The following B4GALT6 variants were observed in gnomAD, a reference collection of about 807,000 sequenced individuals.
B4GALT6 encodes the protein UDP-Gal:beta-GlcNAc beta-1,4-galactosyltransferase 6.
A neutral mutation model predicts 46.3 loss-of-function variants in B4GALT6; 14 were observed. The ratio of observed to expected loss-of-function variants is 0.30; its 90% CI spans 0.20 to 0.47. The LOEUF (loss-of-function observed/expected upper bound fraction) is 0.47, where lower values mean the gene tolerates loss of function less well. Among genes scored for constraint, B4GALT6 ranks in the 20% least tolerant of loss-of-function variants. B4GALT6 has a pLI of 0.99. For synonymous variants in B4GALT6, 168 were observed against 162.0 expected (o/e 1.04, Z -0.28); for missense variants, 386 against 480.1 (o/e 0.80, Z 1.83).
At chr18:31,670,462 A>G (rs2074338264) in intron 1 of B4GALT6, among the ~76,000 whole-genome samples, 2 of 152,196 alleles carry the variant, frequency 1.3e-5, no homozygotes, top group Non-Finnish European at 2.9e-5. Context: ...CAACACACCA[A>G]TTTCTCCAAA....
At chr18:31,703,090 A>T in the B4GALT6 span, among the ~76,000 whole-genome samples, 12 of 151,892 alleles carry the variant, frequency 7.9e-5, 1 homozygote, top group African/African-American at 1.7e-4. Flanking sequence ...TTCTTTTGAT[A>T]AAAAAAATAG....
At chr18:31,660,259 A>AAT (rs962339870) in intron 2 of B4GALT6, among the ~76,000 whole-genome samples, 3 of 151,960 alleles carry the variant, frequency 2.0e-5, no homozygotes, top group Non-Finnish European at 4.4e-5. Flanking sequence ...TGATTCTTTA[A>AAT]ATATATATAT....
the B4GALT6 span, among the ~76,000 whole-genome samples, chr18:31,713,230 T>C: frequency 2.0e-5 from 3 of 152,138 alleles, no homozygotes; most frequent in African/African-American, 7.2e-5. Context: ...CACATGCCTT[T>C]AGTCCCAGCT....
At chr18:31,654,853 A>C (rs180737923) in intron 3 of B4GALT6, among the ~76,000 whole-genome samples, 307 of 152,308 alleles carry the variant, frequency 2.0e-3, no homozygotes, top group Non-Finnish European at 3.6e-3. Flanking sequence ...ATTTTATTGC[A>C]TTGTTCTCTA....
intron 3 of B4GALT6, among the ~76,000 whole-genome samples, chr18:31,652,814 T>C (rs1459834505): frequency 6.6e-6 from 1 of 152,194 alleles, no homozygotes; most frequent in African/African-American, 2.4e-5. Context: ...GCCTTGGCAC[T>C]TGCCCTTGTT....
chr18:31,623,261 T>C lies in B4GALT6; in HGVS notation c.*2353A>G, dbSNP rs2073640879. 1 of 152,166 alleles carries C rather than the reference T, an allele frequency of 6.6e-6. No homozygotes were observed. Among genetic ancestry groups the C allele is most frequent in the African/African-American group, 2.4e-5 (1 of 41,440 alleles). 9.4% of individuals were successfully genotyped at this position (152,166 alleles called of 1,614,324 possible). A position where few individuals can be genotyped will look rare whatever the true frequency, so the allele number is the denominator to read the frequency against. ...CAGCTCTGTCACTCTCACAGAAACA[T>C]ATTAAGTTCACTGTTTATAGGCAAA... On this transcript the variant is annotated 3_prime_UTR_variant, in exon 9 of 9. Coordinates refer to ENST00000306851, the MANE Select transcript of B4GALT6 (RefSeq NM_004775.5).
chr18:31,655,451 T>C (rs2074126421), intron 3 of B4GALT6, among the ~76,000 whole-genome samples: 1 of 152,096 alleles, frequency 6.6e-6, no homozygotes. Flanking sequence ...GAAGGGGCAG[T>C]AGTGCTGAGA....
the B4GALT6 span, among the ~76,000 whole-genome samples, chr18:31,721,878 CTCTG>C: frequency 5.7e-4 from 87 of 151,944 alleles, no homozygotes; most frequent in East Asian, 4.6e-3. Context: ...CTCTCTCTCT[CTCTG>C]TGTGTGTATG....
intron 5 of B4GALT6, among the ~76,000 whole-genome samples, chr18:31,635,665 A>C (rs1416012005): frequency 6.6e-6 from 1 of 152,188 alleles, no homozygotes; most frequent in Non-Finnish European, 1.5e-5. Context: ...GTATTTTCCA[A>C]AAATAAGCCA....
chr18:31,666,081 T>C (rs2074278999), intron 2 of B4GALT6, among the ~76,000 whole-genome samples, 175 bp downstream of exon 2: 1 of 152,240 alleles, frequency 6.6e-6, no homozygotes. Flanking sequence ...CACACGTTCA[T>C]ACATCCTAAA....
chr18:31,678,063 G>A (rs571072186), intron 1 of B4GALT6, among the ~76,000 whole-genome samples: 167 of 152,244 alleles, frequency 1.1e-3, no homozygotes, highest in Non-Finnish European at 1.8e-3. Context: ...TGTGGGTGGC[G>A]GACAGGTAGA....
In B4GALT6 at chr18:31,666,359, G is replaced by A; in HGVS notation, c.129C>T (p.Leu43=). The A allele has an allele frequency of 1.3e-6, 2 of 1,588,902 alleles. No homozygotes were observed. Among genetic ancestry groups the A allele is most frequent in the Non-Finnish European group, 1.7e-6 (2 of 1,161,848 alleles). Residue 43 remains leucine (L), a synonymous_variant, in exon 2 of 9, where the codon CTC becomes CTT. Coordinates refer to ENST00000306851, the MANE Select transcript of B4GALT6 (RefSeq NM_004775.5). ...TTATACCTCGAGCTTGTACCATAAAGAGATATGTGTTGGCTATAAAAGAAA... is the reference window on the plus strand; with the variant it reads ...TTATACCTCGAGCTTGTACCATAAAAAGATATGTGTTGGCTATAAAAGAAA... ...YVAPGIANTY[L]FMVQARGIML... is the part of the protein sequence containing the mutation.
chr18:31,663,217 G>GA (rs962852922), intron 2 of B4GALT6, among the ~76,000 whole-genome samples: 1 of 152,150 alleles, frequency 6.6e-6, no homozygotes, highest in Non-Finnish European at 1.5e-5. Context: ...ATTTTGCTGC[G>GA]AAACAGCAGC....
intron 3 of B4GALT6, among the ~76,000 whole-genome samples, chr18:31,653,375 C>T (rs1465329415): frequency 2.6e-5 from 4 of 151,246 alleles, no homozygotes; most frequent in Non-Finnish European, 5.9e-5. Context: ...TCTCTGACAT[C>T]GTCCTTTCCC....
chr18:31,693,571 C>A, the B4GALT6 span, among the ~76,000 whole-genome samples: 1 of 152,004 alleles, frequency 6.6e-6, no homozygotes, highest in East Asian at 1.9e-4. Flanking sequence ...AGTGCAGTAG[C>A]AACAAAATAT....
At chr18:31,679,041 G>T (rs1001973122) in intron 1 of B4GALT6, among the ~76,000 whole-genome samples, 4 of 152,210 alleles carry the variant, frequency 2.6e-5, no homozygotes, top group Non-Finnish European at 4.4e-5. Flanking sequence ...GTAGTGTTTG[G>T]AATACCTATT....
chr18:31,687,957 A>G (rs1161736798), upstream of B4GALT6, among the ~76,000 whole-genome samples: 1 of 152,146 alleles, frequency 6.6e-6, no homozygotes, highest in East Asian at 1.9e-4. Context: ...GTAAAATAAA[A>G]ATATCTAATT....
In B4GALT6 at chr18:31,627,020, TCTC is replaced by T. The variant is rs1156983701; in HGVS notation, c.875_877del (p.Gly292del). On this transcript the variant is annotated inframe_deletion, in exon 7 of 9. Transcript: ENST00000306851. ...ATACCTGTTCCAAAGGTCATCATCTTCTCCTCCCCATCCCCAGAAGGCATTAGG... is the reference window on the plus strand; with the variant it reads ...ATACCTGTTCCAAAGGTCATCATCTTCTCCCCATCCCCAGAAGGCATTAGG... 6.2e-7 allele frequency: 1 copy of T among 1,611,278 alleles called. No homozygotes were observed. Among genetic ancestry groups the T allele is most frequent in the Non-Finnish European group, 8.5e-7 (1 of 1,178,986 alleles).
rs869030382 is a variant in B4GALT6 at position 31,629,447 on chromosome 18, A to ATTTTT, written c.776+1507_776+1511dup. 1.5e-4 allele frequency among the ~76,000 whole-genome samples: 5 copies of ATTTTT among 32,882 alleles called. 2 individuals are homozygous for ATTTTT. Among genetic ancestry groups the ATTTTT allele is most frequent in the African/African-American group, 1.9e-4 (2 of 10,756 alleles). The allele number at this position is 32,882 out of a possible 152,430, so 21.6% of individuals were successfully genotyped here. A position where few individuals can be genotyped will look rare whatever the true frequency, so the allele number is the denominator to read the frequency against. On this transcript the variant is annotated intron_variant, in intron 6 of 8. Transcript: ENST00000306851. ...ATTCTTAGTTTATATGCCCTTTATG[A>ATTTTT]TTTTTTTTTTTTTTTTTTTTTTTTT...
Sources: gnomAD v4.1 joint callset for allele counts (sites outside exome capture counted in the v4.1 genomes callset) on GRCh38, gnomAD v4.1.1 for gene constraint, MANE v1.5 for transcripts, NCBI Gene and HGNC (gene_info 2026-07-23, HGNC 2026-07-21) for gene names.